Variants in GATAD2A observed in about 807,000 individuals in gnomAD.
GATAD2A encodes the protein GATA zinc finger domain containing 2A, also known as transcriptional repressor p66-alpha.
A neutral mutation model predicts 68.5 loss-of-function variants in GATAD2A; 12 were observed. That is an observed-to-expected ratio of 0.18 (90% confidence interval 0.11 to 0.28). The LOEUF is 0.28. Among genes scored for constraint, GATAD2A ranks in the 10% least tolerant of loss-of-function variants. The pLI is 1.00. For synonymous variants in GATAD2A, 410 were observed against 375.3 expected (o/e 1.09, Z -1.07); for missense variants, 755 against 868.5 (o/e 0.87, Z 1.64).
At chr19:19,467,972 T>G (rs1276258582) in intron 2 of GATAD2A, among the ~76,000 whole-genome samples, 1 of 152,222 alleles carries the variant, frequency 6.6e-6, no homozygotes, top group Non-Finnish European at 1.5e-5. Flanking sequence ...TGTGAGTGTT[T>G]TATATTCTAC....
At chr19:19,437,317 G>A (rs1299411711) in intron 1 of GATAD2A, among the ~76,000 whole-genome samples, 1 of 152,054 alleles carries the variant, frequency 6.6e-6, no homozygotes, top group Non-Finnish European at 1.5e-5. Context: ...TTTTTGTAGA[G>A]ACGGAGTTTG....
intron 1 of GATAD2A, among the ~76,000 whole-genome samples, chr19:19,406,474 C>T (rs2050276558): frequency 6.8e-6 from 1 of 146,340 alleles, no homozygotes; most frequent in Admixed American, 6.8e-5. Flanking sequence ...GCGGCGGCGG[C>T]GGCGGATCCC....
chr19:19,451,466 G>C (rs2056385377), intron 1 of GATAD2A, among the ~76,000 whole-genome samples: 1 of 152,232 alleles, frequency 6.6e-6, no homozygotes, highest in Admixed American at 6.5e-5. Flanking sequence ...ATGTGCAGCA[G>C]TCAACAAATC....
intron 1 of GATAD2A, among the ~76,000 whole-genome samples, chr19:19,450,743 T>G (rs1175486517): frequency 1.6e-5 from 2 of 125,130 alleles, no homozygotes. Context: ...CTCATTACAT[T>G]AAAAAAAAAA....
In GATAD2A at chr19:19,405,710, G is replaced by A. The variant is rs1279291162; in HGVS notation, c.-316G>A. The A allele has an allele frequency of 1.3e-5, 2 of 151,044 alleles. No individual in the cohort carries two copies. The highest frequency in any genetic ancestry group is 4.8e-5 in the African/African-American group (2 of 41,314). 9.4% of individuals were successfully genotyped at this position (151,044 alleles called of 1,614,324 possible). On this transcript the variant is annotated 5_prime_UTR_variant, in exon 1 of 12. Coordinates refer to ENST00000683918, the MANE Select transcript of GATAD2A (RefSeq NM_001384528.1). ...CAGCCGGGCGCGGGCGGGCGGCGTC[G>A]CCTTTAAGAGCTCCCCGGTGTTTTG... is the stretch of plus-strand genomic sequence containing the variant.
intron 1 of GATAD2A, among the ~76,000 whole-genome samples, chr19:19,438,386 G>C: frequency 6.6e-6 from 1 of 152,206 alleles, no homozygotes; most frequent in South Asian, 2.1e-4. Flanking sequence ...GGACTGCCAG[G>C]TGTGGGCCAC....
intron 1 of GATAD2A, among the ~76,000 whole-genome samples, chr19:19,463,139 C>G (rs2057586627): frequency 6.6e-6 from 1 of 152,168 alleles, no homozygotes; most frequent in African/African-American, 2.4e-5. Flanking sequence ...CATCTCTCAC[C>G]TAAACAGGCT....
chr19:19,438,639 C>T (rs917345807), intron 1 of GATAD2A, among the ~76,000 whole-genome samples: 4 of 152,210 alleles, frequency 2.6e-5, no homozygotes, highest in African/African-American at 9.7e-5. Flanking sequence ...GAGGAAACCT[C>T]CCTCTTCTCT....
chr19:19,411,032 G>C lies in GATAD2A; in HGVS notation c.-7+5013G>C, dbSNP rs186976414. 2.2e-3 allele frequency among the ~76,000 whole-genome samples: 336 copies of C among 152,300 alleles called. 2 individuals carry two copies. The highest frequency in any genetic ancestry group is 0.016 in the South Asian group (77 of 4,828). On this transcript the variant is annotated intron_variant, in intron 1 of 11. Transcript: ENST00000683918. The stretch of plus-strand genomic sequence containing the variant: ...CATTAACAACTGCCCCACCTCTTCT[G>C]TGGGGGATGACACCACCCTCATGGC...
chr19:19,447,516 C>T (rs2055868122), intron 1 of GATAD2A, among the ~76,000 whole-genome samples: 1 of 152,220 alleles, frequency 6.6e-6, no homozygotes, highest in Non-Finnish European at 1.5e-5. Flanking sequence ...CTCCTCCCAC[C>T]CCTGAGGGGA....
chr19:19,491,917 C>G (rs1600273535), intron 2 of GATAD2A, among the ~76,000 whole-genome samples: 2 of 152,224 alleles, frequency 1.3e-5, no homozygotes, highest in South Asian at 4.1e-4. Context: ...CTCAAGCCCC[C>G]ACAATGGCTA....
At chr19:19,474,803 C>CA (rs1416482782) in intron 2 of GATAD2A, among the ~76,000 whole-genome samples, 1 of 152,252 alleles carries the variant, frequency 6.6e-6, no homozygotes, top group African/African-American at 2.4e-5. Context: ...TTTTCACACT[C>CA]ACAGGTGTGG....
Position 19,479,288 on chromosome 19 carries a change from TCA to T in GATAD2A, c.270-13015_270-13014del, listed in dbSNP as rs1363855244. ...TTTTAATTTTAGAATAGTCTTAGAC[TCA>T]CAGAAAAGTTGCAAAGATCAGTCCT... On this transcript the variant is annotated intron_variant, in intron 2 of 11. Transcript: ENST00000683918. Among the ~76,000 whole-genome samples the T allele has an allele frequency of 3.3e-5, 5 of 152,342 alleles. No individual in the cohort carries two copies. In the East Asian group the frequency reaches 7.7e-4, roughly 23 times the overall value.
intron 2 of GATAD2A, among the ~76,000 whole-genome samples, chr19:19,482,268 G>T (rs898946167): frequency 6.6e-6 from 1 of 152,196 alleles, no homozygotes; most frequent in East Asian, 1.9e-4. Flanking sequence ...GCCAGGTGTG[G>T]TAGTGGGCGC....
chr19:19,412,410 C>T (rs1432874310), intron 1 of GATAD2A, among the ~76,000 whole-genome samples: 1 of 151,978 alleles, frequency 6.6e-6, no homozygotes, highest in African/African-American at 2.4e-5. Context: ...CTGCCTCGGC[C>T]TCCCAAAGTG....
intron 2 of GATAD2A, among the ~76,000 whole-genome samples, chr19:19,465,839 GAGA>G (rs2057824870): frequency 2.0e-5 from 3 of 152,392 alleles, no homozygotes; most frequent in South Asian, 4.1e-4. Context: ...GGTCTCACAG[GAGA>G]AGGAGTGGCA....
intron 5 of GATAD2A, 58 bp downstream of exon 5, chr19:19,494,441 C>G (rs535094174): frequency 9.0e-7 from 1 of 1,115,854 alleles, no homozygotes; most frequent in Non-Finnish European, 1.4e-6. Context: ...CTGTCAAGCA[C>G]AGGCTCCTCG....
chr19:19,426,433 G>A (rs1190658859), intron 1 of GATAD2A, among the ~76,000 whole-genome samples: 1 of 152,168 alleles, frequency 6.6e-6, no homozygotes, highest in Non-Finnish European at 1.5e-5. Context: ...GATCAGGCCG[G>A]CAGACTTGTC....
intron 1 of GATAD2A, among the ~76,000 whole-genome samples, chr19:19,399,746 C>T (rs1767270996): frequency 6.6e-6 from 1 of 152,098 alleles, no homozygotes; most frequent in Non-Finnish European, 1.5e-5. Context: ...GGGCATTTCA[C>T]TATAAATGGG....
Sources: gnomAD v4.1 joint callset for allele counts (sites outside exome capture counted in the v4.1 genomes callset) on GRCh38, gnomAD v4.1.1 for gene constraint, MANE v1.5 for transcripts, NCBI Gene and HGNC (gene_info 2026-07-23, HGNC 2026-07-21) for gene names.